The following SLC25A48 variants were observed in gnomAD, a reference collection of about 807,000 sequenced individuals.
SLC25A48 encodes CTC-321K16.1.
Under a neutral mutation model 32.2 loss-of-function variants are expected in SLC25A48, and 29 were observed. The observed-to-expected ratio is 0.90, with a 90% confidence interval of 0.67 to 1.23. The LOEUF is 1.23. Among genes scored for constraint, SLC25A48 ranks in the 50% most tolerant of loss-of-function variants. The pLI is 0.00. For synonymous variants in SLC25A48, 164 were observed against 172.3 expected (o/e 0.95, Z 0.38); for missense variants, 399 against 422.7 (o/e 0.94, Z 0.49).
chr5:135,667,365 A>G (rs1260245787), intron 3 of SLC25A48, among the ~76,000 whole-genome samples: 1 of 152,200 alleles, frequency 6.6e-6, no homozygotes, highest in Non-Finnish European at 1.5e-5. Context: ...CTTGCTTTGA[A>G]CCTTTGAAGT....
At chr5:135,774,982 G>A (rs1756511506) in intron 3 of SLC25A48, among the ~76,000 whole-genome samples, 1 of 151,756 alleles carries the variant, frequency 6.6e-6, no homozygotes, top group Admixed American at 6.6e-5. Flanking sequence ...CCCCGCTTGT[G>A]ATATTGTTCC....
At chr5:135,848,917 G>C (rs1759617395) in intron 2 of SLC25A48, among the ~76,000 whole-genome samples, 1 of 152,206 alleles carries the variant, frequency 6.6e-6, no homozygotes, top group Admixed American at 6.5e-5. Flanking sequence ...CATAAACTCA[G>C]GAGAGGAGTA....
intron 4 of SLC25A48, among the ~76,000 whole-genome samples, chr5:135,829,267 G>A (rs576913295): frequency 2.6e-5 from 4 of 152,252 alleles, no homozygotes; most frequent in South Asian, 2.1e-4. Context: ...ACAGCAGCAC[G>A]CAGCAGGGTC....
At chr5:135,644,627 A>G (rs866174151) in intron 3 of SLC25A48, among the ~76,000 whole-genome samples, 3 of 152,230 alleles carry the variant, frequency 2.0e-5, no homozygotes, top group African/African-American at 4.8e-5. Context: ...GGAGAGGTTA[A>G]GTCACCTCCC....
chr5:135,879,839 A>G lies in SLC25A48; in HGVS notation c.814-129A>G, dbSNP rs189690811. 12,010 of 1,321,490 alleles carry G rather than the reference A, an allele frequency of 9.1e-3. 66 individuals carry two copies. Among genetic ancestry groups the G allele is most frequent in the Non-Finnish European group, 0.011 (10,749 of 984,108 alleles). 81.9% of individuals were successfully genotyped at this position (1,321,490 alleles called of 1,614,324 possible). A position where few individuals can be genotyped will look rare whatever the true frequency, so the allele number is the denominator to read the frequency against. ...TTCCCTGTGTGGTCTCTGCCTGCAC[A>G]GGTCCTTTGGGCTCTGGTGGGGGAC... On this transcript the variant is annotated intron_variant, in intron 6 of 7. Coordinates refer to ENST00000681962, the MANE Select transcript of SLC25A48 (RefSeq NM_001349336.2).
Position 135,607,605 on chromosome 5 carries a change from A to T in SLC25A48, c.-848-21632A>T, listed in dbSNP as rs535942026. On this transcript the variant is annotated intron_variant, in intron 1 of 10. Transcript: ENST00000646290. ...ATGTTCTGTTGGTGATTGCCTTTAG[A>T]AGAAGAGCATGCATGCATCTCTGAG... is the stretch of plus-strand genomic sequence containing the variant. 6.6e-5 allele frequency among the ~76,000 whole-genome samples: 10 copies of T among 152,312 alleles called. No homozygotes were observed. In the South Asian group the frequency reaches 2.1e-3, roughly 32 times the overall value.
intron 4 of SLC25A48, among the ~76,000 whole-genome samples, chr5:135,861,584 G>A (rs1161855543): frequency 6.6e-6 from 1 of 152,146 alleles, no homozygotes; most frequent in Non-Finnish European, 1.5e-5. Flanking sequence ...TGAAATAAAT[G>A]TTAATTATCA....
intron 4 of SLC25A48, among the ~76,000 whole-genome samples, chr5:135,870,875 AATAAAATTATTTATTTTATTTTT>A (rs1229856894): frequency 6.1e-4 from 93 of 151,784 alleles, no homozygotes; most frequent in African/African-American, 2.1e-3. Context: ...AAATAATTTT[AATAAAATTATTTATTTTATTTTT>A]ATAAAATTAT....
chr5:135,706,892 A>G (rs1754524072), intron 3 of SLC25A48, among the ~76,000 whole-genome samples: 1 of 152,222 alleles, frequency 6.6e-6, no homozygotes, highest in Non-Finnish European at 1.5e-5. Flanking sequence ...AATTGGGAAG[A>G]TCTTCATGGG....
intron 4 of SLC25A48, among the ~76,000 whole-genome samples, chr5:135,829,153 C>T (rs1758141190): frequency 6.6e-6 from 1 of 152,186 alleles, no homozygotes; most frequent in Non-Finnish European, 1.5e-5. Flanking sequence ...GTAGGCTGTC[C>T]CCAAACACTG....
Position 135,747,406 on chromosome 5 carries a change from TC to T in SLC25A48, c.-520-65111del, listed in dbSNP as rs528596398. On this transcript the variant is annotated intron_variant, in intron 3 of 10. Transcript: ENST00000646290. ...ATTATTATGCTTTCTGGTCAATTTT[TC>T]CCCCCAAGTGTGGTCAGTGAAGCCG... 1.1e-3 allele frequency among the ~76,000 whole-genome samples: 169 copies of T among 152,112 alleles called. 1 individual carries two copies. The highest frequency in any genetic ancestry group is 4.0e-3 in the African/African-American group (164 of 41,498).
intron 3 of SLC25A48, among the ~76,000 whole-genome samples, chr5:135,795,964 A>C (rs935863206): frequency 7.7e-6 from 1 of 129,850 alleles, no homozygotes; most frequent in East Asian, 2.6e-4. Context: ...GATATGGTTC[A>C]TAATATTCAG....
chr5:135,849,780 C>T (rs563659326), intron 2 of SLC25A48, among the ~76,000 whole-genome samples: 1 of 152,316 alleles, frequency 6.6e-6, no homozygotes, highest in South Asian at 2.1e-4. Context: ...GAAAGAATTG[C>T]TGCTCTAGGG....
chr5:135,723,041 A>C (rs1376042290), intron 3 of SLC25A48, among the ~76,000 whole-genome samples: 2 of 152,150 alleles, frequency 1.3e-5, no homozygotes, highest in Non-Finnish European at 2.9e-5. Flanking sequence ...CCCTCTTTGG[A>C]GAGGCCCGCA....
At chr5:135,612,038 G>A (rs886731973) in intron 1 of SLC25A48, among the ~76,000 whole-genome samples, 2 of 152,182 alleles carry the variant, frequency 1.3e-5, no homozygotes, top group Non-Finnish European at 2.9e-5. Flanking sequence ...TTTATATGCT[G>A]TGGCTTTCCT....
intron 3 of SLC25A48, among the ~76,000 whole-genome samples, chr5:135,725,800 G>A (rs1755075798): frequency 6.6e-6 from 1 of 151,506 alleles, no homozygotes; most frequent in Non-Finnish European, 1.5e-5. Flanking sequence ...ATCAGAGGCA[G>A]TTAACAGATC....
At chr5:135,780,411 G>A (rs1185080292) in intron 3 of SLC25A48, among the ~76,000 whole-genome samples, 7 of 116,772 alleles carry the variant, frequency 6.0e-5, no homozygotes, top group African/African-American at 1.8e-4. Context: ...TATGCAGGCA[G>A]GGAGAGGTTG....
At chr5:135,599,237 C>T (rs1460594865) in intron 1 of SLC25A48, among the ~76,000 whole-genome samples, 2 of 152,118 alleles carry the variant, frequency 1.3e-5, no homozygotes, top group South Asian at 2.1e-4. Flanking sequence ...TTCTCCCTGG[C>T]CTCCCAGCTT....
intron 3 of SLC25A48, among the ~76,000 whole-genome samples, chr5:135,752,018 A>G (rs1275899851): frequency 6.6e-6 from 1 of 152,208 alleles, no homozygotes; most frequent in Non-Finnish European, 1.5e-5. Context: ...ATTTACCTAC[A>G]AAAATTTACT....
Sources: gnomAD v4.1 joint callset for allele counts (sites outside exome capture counted in the v4.1 genomes callset) on GRCh38, gnomAD v4.1.1 for gene constraint, MANE v1.5 for transcripts, NCBI Gene and HGNC (gene_info 2026-07-23, HGNC 2026-07-21) for gene names.